Variants in PAX8 observed in about 807,000 individuals in gnomAD.
PAX8 encodes the protein paired box 8, also known as paired box protein Pax-8.
In PAX8, 15 loss-of-function variants were observed where a neutral mutation model predicts 52.4. The ratio of observed to expected loss-of-function variants is 0.29; its 90% confidence interval spans 0.19 to 0.44. The LOEUF is 0.44. Ranked by LOEUF, PAX8 falls within the 20% of genes least tolerant of loss-of-function variation. The pLI, the probability that PAX8 is intolerant of heterozygous loss-of-function variation, is 1.00. For missense variants in PAX8, 554 were observed against 602.5 expected, an observed-to-expected ratio of 0.92 and a Z score of 0.84; for synonymous variants, 284 against 249.7, an observed-to-expected ratio of 1.14 and a Z score of -1.29.
rs997879813 is a variant in PAX8 at position 113,242,784 on chromosome 2, A to G, written c.390-6T>C. On this transcript the variant is annotated splice_region_variant and splice_polypyrimidine_tract_variant and intron_variant, in intron 4 of 11. Transcript: ENST00000429538. ...GCACTTTGGTCCGGATGATTCTGTG[A>G]TGAAGAGAAGAAAGGCCATGAGAGA... The G allele has an allele frequency of 1.9e-6, 3 of 1,610,676 alleles. No homozygotes were observed. The highest frequency in any genetic ancestry group is 2.5e-6 in the Non-Finnish European group (3 of 1,176,970).
intron 2 of PAX8, among the ~76,000 whole-genome samples, chr2:113,252,093 C>A (rs1691816398): frequency 6.6e-6 from 1 of 152,184 alleles, no homozygotes; most frequent in Non-Finnish European, 1.5e-5. Context: ...CGGCTCTGCC[C>A]AGTCCTAAAG....
intron 2 of PAX8, among the ~76,000 whole-genome samples, chr2:113,249,221 G>T (rs991431881): frequency 2.0e-5 from 3 of 152,262 alleles, no homozygotes; most frequent in African/African-American, 7.2e-5. Flanking sequence ...GGGCAGAGGG[G>T]CCTTTGCCCA....
chr2:113,216,850 T>C lies in PAX8; in HGVS notation c.*1683A>G, dbSNP rs932726662. ...TGGTTGAATCTACTACTTTTCATCT[T>C]GGACAAGACATCTCATTTTTTTCAA... On this transcript the variant is annotated 3_prime_UTR_variant, in exon 12 of 12. Transcript: ENST00000429538. 3 of 228,342 alleles carry C rather than the reference T, an allele frequency of 1.3e-5. No individual in the cohort carries two copies. The highest frequency in any genetic ancestry group is 2.6e-5 in the Non-Finnish European group (3 of 114,988). 14.1% of individuals were successfully genotyped at this position (228,342 alleles called of 1,614,324 possible).
chr2:113,251,580 G>A lies in PAX8; in HGVS notation c.26-4661C>T, dbSNP rs74619367. On this transcript the variant is annotated intron_variant, in intron 2 of 11. Transcript: ENST00000429538. The stretch of plus-strand genomic sequence containing the variant: ...TTCCTGGGGTCAGAGAGGACTTATC[G>A]TACAGTAAAGGGATTGGAGCTCAGC... Among the ~76,000 whole-genome samples the A allele has an allele frequency of 3.3e-3, 510 of 152,248 alleles. 1 individual carries two copies. Among genetic ancestry groups the A allele is most frequent in the African/African-American group, 0.012 (479 of 41,534 alleles).
At chr2:113,219,706 C>T (rs943614232) in intron 11 of PAX8, among the ~76,000 whole-genome samples, 6 of 152,276 alleles carry the variant, frequency 3.9e-5, no homozygotes, top group South Asian at 2.1e-4. Flanking sequence ...TACATTCTGG[C>T]GGGTGCCCTG....
chr2:113,262,551 A>G (rs933995154), intron 2 of PAX8, among the ~76,000 whole-genome samples: 1 of 152,138 alleles, frequency 6.6e-6, no homozygotes, highest in African/African-American at 2.4e-5. Context: ...GAGACACAAT[A>G]CTTAGGTGTT....
At chr2:113,231,720 C>T (rs145626255) in intron 9 of PAX8, among the ~76,000 whole-genome samples, 23 of 151,100 alleles carry the variant, frequency 1.5e-4, no homozygotes, top group African/African-American at 5.4e-4. Context: ...ACTTCCTTCT[C>T]TTTCTTTATT....
chr2:113,256,185 GT>G (rs1182096583), intron 2 of PAX8, among the ~76,000 whole-genome samples: 1 of 152,200 alleles, frequency 6.6e-6, no homozygotes, highest in Non-Finnish European at 1.5e-5. Context: ...ATGGGGAATT[GT>G]TGTCTGGTGT....
chr2:113,278,481 C>T lies in PAX8; in HGVS notation c.-75-12G>A. 6.3e-7 allele frequency: 1 copy of T among 1,590,526 alleles called. No homozygotes were observed. Among genetic ancestry groups the T allele is most frequent in the Non-Finnish European group, 8.6e-7 (1 of 1,167,988 alleles). ...CGCCTGCCGCTGCCCTGCACAAACC[C>T]AGGAGAAGGGCATGAGATGCGATGA... On this transcript the variant is annotated splice_polypyrimidine_tract_variant and intron_variant, in intron 1 of 11. Coordinates refer to ENST00000429538, the MANE Select transcript of PAX8 (RefSeq NM_003466.4).
Position 113,217,627 on chromosome 2 carries a change from C to T in PAX8, c.*906G>A, listed in dbSNP as rs1689072185. 1 of 231,518 alleles carries T rather than the reference C, an allele frequency of 4.3e-6. No homozygotes were observed. The highest frequency in any genetic ancestry group is 1.8e-4 in the South Asian group (1 of 5,526). 14.3% of individuals were successfully genotyped at this position (231,518 alleles called of 1,614,324 possible). A position where few individuals can be genotyped will look rare whatever the true frequency, so the allele number is the denominator to read the frequency against. On this transcript the variant is annotated 3_prime_UTR_variant, in exon 12 of 12. Transcript: ENST00000429538. ...GGGGTGCCTTGGGTCCCTTCAGTAG[C>T]TGGTGGGCGTGAGCTGCAGGAAGCA...
chr2:113,263,998 A>G (rs1692878385), intron 2 of PAX8, among the ~76,000 whole-genome samples: 1 of 152,266 alleles, frequency 6.6e-6, no homozygotes, highest in Non-Finnish European at 1.5e-5. Context: ...TTTTACAAAT[A>G]CTTGTGAAGC....
At chr2:113,275,780 T>C (rs1453924746) in intron 2 of PAX8, 1 of 152,212 alleles carries the variant, frequency 6.6e-6, no homozygotes, top group East Asian at 1.9e-4. Context: ...GCAACAAAAA[T>C]AGCGATTTTA....
intron 2 of PAX8, among the ~76,000 whole-genome samples, chr2:113,262,263 G>T (rs991546007): frequency 6.6e-6 from 1 of 152,100 alleles, no homozygotes; most frequent in Admixed American, 6.6e-5. Context: ...CAATCTTCTG[G>T]CCTCAGCCTC....
intron 2 of PAX8, among the ~76,000 whole-genome samples, chr2:113,261,780 C>T (rs967559495): frequency 6.6e-6 from 1 of 151,458 alleles, no homozygotes; most frequent in Admixed American, 6.6e-5. Flanking sequence ...GAGGTTTGCG[C>T]AGAACATGTC....
At chr2:113,235,728 G>T in intron 8 of PAX8, 146 bp from the exon 9 acceptor site, 1 of 630,390 alleles carries the variant, frequency 1.6e-6, no homozygotes, top group Non-Finnish European at 2.7e-6. Context: ...GGGGAGAGCC[G>T]GGGCCCACGA....
Position 113,242,721 on chromosome 2 carries a change from G to T in PAX8, c.447C>A (p.Ala149=). The T allele has an allele frequency of 6.2e-7, 1 of 1,613,780 alleles. No homozygotes were observed. Among genetic ancestry groups the T allele is most frequent in the Non-Finnish European group, 8.5e-7 (1 of 1,179,720 alleles). ...PFNLPMDSCV[A]TKSLSPGHTL... is the part of the protein sequence containing the mutation. ...TGTGTCCGGGACTCAGGGACTTGGTGGCCACGCAGCTGTCCATAGGGAGGT... is the reference window on the plus strand; with the variant it reads ...TGTGTCCGGGACTCAGGGACTTGGTTGCCACGCAGCTGTCCATAGGGAGGT... Residue 149 remains alanine (A), a synonymous_variant, in exon 5 of 12, where the codon GCC becomes GCA. Transcript: ENST00000429538.
intron 3 of PAX8, among the ~76,000 whole-genome samples, chr2:113,245,534 G>C (rs1340565302): frequency 6.6e-6 from 1 of 152,080 alleles, no homozygotes; most frequent in Non-Finnish European, 1.5e-5. Context: ...ATGGACTCTG[G>C]AATCCTGACC....
rs182825692 is a variant in PAX8, at chr2:113,260,516, G to A, written c.26-13597C>T. Reference sequence around the variant, plus strand: ...AGATGGGTAAGGAGGGAAATAGAGGGATGGTGAGAAGAACCCCTGCTGAGG... The same window carrying A: ...AGATGGGTAAGGAGGGAAATAGAGGAATGGTGAGAAGAACCCCTGCTGAGG... On this transcript the variant is annotated intron_variant, in intron 2 of 11. Coordinates refer to ENST00000429538, the MANE Select transcript of PAX8 (RefSeq NM_003466.4). 3.9e-5 allele frequency among the ~76,000 whole-genome samples: 6 copies of A among 152,144 alleles called. No homozygotes were observed. The East Asian group carries it at 1.2e-3, about 29-fold the overall frequency.
At chr2:113,227,659 C>T (rs2104433672) in intron 9 of PAX8, among the ~76,000 whole-genome samples, 1 of 152,282 alleles carries the variant, frequency 6.6e-6, no homozygotes, top group Admixed American at 6.5e-5. Context: ...CATTTGAGAC[C>T]ACTTAACTCA....
Sources: gnomAD v4.1 joint callset for allele counts (sites outside exome capture counted in the v4.1 genomes callset) on GRCh38, gnomAD v4.1.1 for gene constraint, MANE v1.5 for transcripts, NCBI Gene and HGNC (gene_info 2026-07-23, HGNC 2026-07-21) for gene names.